MGAT1: variants seen among roughly 807,000 people sequenced by gnomAD.
MGAT1 encodes the protein alpha-1,3-mannosyl-glycoprotein 2-beta-N-acetylglucosaminyltransferase.
A neutral mutation model predicts 31.7 loss-of-function variants in MGAT1; 14 were observed. The ratio of observed to expected loss-of-function variants is 0.44; its 90% CI spans 0.29 to 0.69. The LOEUF (loss-of-function observed/expected upper bound fraction) is 0.69, where lower values mean the gene tolerates loss of function less well. Ranked by LOEUF, MGAT1 falls within the 30% of genes least tolerant of loss-of-function variation. The probability of loss-of-function intolerance (pLI) is 0.12; values close to 1 mark genes in which losing one functional copy is unlikely to be tolerated. For missense variants in MGAT1, 557 were observed against 626.0 expected (o/e 0.89, Z 1.18); for synonymous variants, 338 against 276.0 (o/e 1.22, Z -2.23).
intron 2 of MGAT1, among the ~76,000 whole-genome samples, chr5:180,807,891 G>A (rs1424018534): frequency 6.6e-6 from 1 of 152,226 alleles, no homozygotes; most frequent in Non-Finnish European, 1.5e-5. Context: ...AGTTGTTTCT[G>A]TGCTTTTAAG....
At chr5:180,804,540 C>G (rs1771572914), upstream of MGAT1, among the ~76,000 whole-genome samples, 1 of 152,242 alleles carries the variant, frequency 6.6e-6, no homozygotes, top group Admixed American at 6.5e-5. Context: ...AGCCTCGAAC[C>G]CAGGCGGATA....
intron 1 of MGAT1, among the ~76,000 whole-genome samples, chr5:180,793,882 G>A (rs2113261813): frequency 6.6e-6 from 1 of 152,228 alleles, no homozygotes; most frequent in East Asian, 1.9e-4. Context: ...AAACTTATGT[G>A]AACAAAACTA....
chr5:180,800,707 C>T (rs1561855763), intron 1 of MGAT1, among the ~76,000 whole-genome samples: 1 of 152,190 alleles, frequency 6.6e-6, no homozygotes, highest in African/African-American at 2.4e-5. Flanking sequence ...TATTGACATG[C>T]AAGGGGAGAG....
At chr5:180,811,589 G>A (rs1460089282) in intron 1 of MGAT1, among the ~76,000 whole-genome samples, 2 of 149,948 alleles carry the variant, frequency 1.3e-5, no homozygotes, top group African/African-American at 2.4e-5. Context: ...TTCAATCTGT[G>A]TCTAGGATGC....
At position 180,789,186 on chromosome 5, in the gene MGAT1, C is replaced by T. The variant is rs531993067; in HGVS notation, c.*2448G>A. 3 of 152,406 alleles carry T rather than the reference C, an allele frequency of 2.0e-5. No individual in the cohort carries two copies. The East Asian group carries it at 5.8e-4, about 29-fold the overall frequency. 9.4% of individuals were successfully genotyped at this position (152,406 alleles called of 1,614,324 possible). A position where few individuals can be genotyped will look rare whatever the true frequency, so the allele number is the denominator to read the frequency against. Reference sequence around the variant, plus strand: ...TGGGAGGTTGGAGCTGCTCCCAAGGCCACGGCCCTCGACACAGCTCCCCAG... The same window carrying T: ...TGGGAGGTTGGAGCTGCTCCCAAGGTCACGGCCCTCGACACAGCTCCCCAG... On this transcript the variant is annotated 3_prime_UTR_variant, in exon 2 of 2. Transcript: ENST00000307826.
At position 180,791,684 on chromosome 5, in the gene MGAT1, G is replaced by A. The variant is rs767104108; in HGVS notation, c.1288C>T (p.His430Tyr). ...TCCCACGTCAGTGGGGGCGCCAGGTGGACACGGCGGCCCCGGAACTGGAAG... is the reference window on the plus strand; with the variant it reads ...TCCCACGTCAGTGGGGGCGCCAGGTAGACACGGCGGCCCCGGAACTGGAAG... ...VTFQFRGRRVHLAPPLTWEGY... is the reference protein window; with the variant it reads ...VTFQFRGRRVYLAPPLTWEGY... The change falls in exon 2 of 2, where the codon CAC becomes TAC. Residue 430 changes from histidine to tyrosine, a missense_variant. Transcript: ENST00000307826. 1 of 1,613,850 alleles carries A rather than the reference G, an allele frequency of 6.2e-7. No individual in the cohort carries two copies. Among genetic ancestry groups the A allele is most frequent in the African/African-American group, 1.3e-5 (1 of 75,044 alleles).
At chr5:180,804,490 C>G (rs1185192463), upstream of MGAT1, among the ~76,000 whole-genome samples, 1 of 152,180 alleles carries the variant, frequency 6.6e-6, no homozygotes, top group Non-Finnish European at 1.5e-5. Context: ...GCGGGAAGCC[C>G]GTGGCTTCCA....
intron 1 of MGAT1, among the ~76,000 whole-genome samples, chr5:180,794,975 C>T (rs1159602113): frequency 6.6e-6 from 1 of 152,154 alleles, no homozygotes; most frequent in Non-Finnish European, 1.5e-5. Context: ...GTGGTTTACT[C>T]ATAGAATGGA....
chr5:180,814,288 CCCATAAAGAAACAA>C (rs1178339578), intron 1 of MGAT1, among the ~76,000 whole-genome samples: 1 of 152,184 alleles, frequency 6.6e-6, no homozygotes, highest in Non-Finnish European at 1.5e-5. Flanking sequence ...AAAATTCTGG[CCCATAAAGAAACAA>C]CCACACTCAC....
chr5:180,792,420 C>A lies in MGAT1; in HGVS notation c.552G>T (p.Lys184Asn). 1 of 1,611,320 alleles carries A rather than the reference C, an allele frequency of 6.2e-7. No homozygotes were observed. Among genetic ancestry groups the A allele is most frequent in the Non-Finnish European group, 8.5e-7 (1 of 1,178,484 alleles). ...PDHRKFQGYY[K>N]IARHYRWALG... ...GCGCCCAGCGGTAGTGGCGCGCGATCTTGTAGTAGCCCTGGAACTTGCGGT... is the reference window on the plus strand; with the variant it reads ...GCGCCCAGCGGTAGTGGCGCGCGATATTGTAGTAGCCCTGGAACTTGCGGT... The change falls in exon 2 of 2, where the codon AAG becomes AAT. Residue 184 changes from lysine to asparagine, a missense_variant. By Grantham distance (94) the Lys-to-Asn change is moderately conservative. Around this residue, in one of 3 missense-constraint regions of MGAT1, gnomAD observed 245 missense variants for 332.9 expected, o/e 0.74. Transcript: ENST00000307826.
At chr5:180,804,918 C>A (rs1406292908), upstream of MGAT1, among the ~76,000 whole-genome samples, 1 of 152,192 alleles carries the variant, frequency 6.6e-6, no homozygotes, top group Non-Finnish European at 1.5e-5. Flanking sequence ...CCAAGGCTCA[C>A]AGGAAGATCC....
In MGAT1 at chr5:180,792,179, G is replaced by C; in HGVS notation, c.793C>G (p.Pro265Ala). 6.2e-7 allele frequency: 1 copy of C among 1,613,166 alleles called. No homozygotes were observed. Among genetic ancestry groups the C allele is most frequent in the Non-Finnish European group, 8.5e-7 (1 of 1,179,994 alleles). ...GCCAACAGCAGCCAGCCCAGGCCAG[G>C]GAAAAAGTCGGTGCGGTAGAGCAGC... Reference protein sequence around the residue: ...PELLYRTDFFPGLGWLLLAEL... With the variant: ...PELLYRTDFFAGLGWLLLAEL... Residue 265 changes from proline to alanine, a missense_variant, in exon 2 of 2, where the codon CCT becomes GCT. This residue lies in a region of MGAT1 where 245 missense variants were observed against 332.9 expected (regional missense o/e 0.74). Coordinates refer to ENST00000307826, the MANE Select transcript of MGAT1 (RefSeq NM_002406.4).
chr5:180,802,935 G>T (rs1160643235), upstream of MGAT1: 2 of 150,514 alleles, frequency 1.3e-5, no homozygotes, highest in Non-Finnish European at 3.0e-5. Context: ...CGTCCGCCAG[G>T]CCCCCTCCTC....
upstream of MGAT1, among the ~76,000 whole-genome samples, chr5:180,806,144 G>A (rs565549376): frequency 1.3e-5 from 2 of 151,828 alleles, no homozygotes; most frequent in Admixed American, 1.3e-4. Flanking sequence ...AAATTAGCCG[G>A]GCGTGGTGGC....
rs1224268939 is a variant in MGAT1 at position 180,793,183 on chromosome 5, G to T, written c.-126-86C>A. 4 of 625,350 alleles carry T rather than the reference G, an allele frequency of 6.4e-6. No homozygotes were observed. In the East Asian group the frequency reaches 1.1e-4, roughly 18 times the overall value. The allele number at this position is 625,350 out of a possible 1,614,324, so 38.7% of individuals were successfully genotyped here. A position where few individuals can be genotyped will look rare whatever the true frequency, so the allele number is the denominator to read the frequency against. ...GGTAGAGGAAATGGGGGCAGGAAAA[G>T]GCCAAGAGTGAGGGTGGAGGAAGGC... On this transcript the variant is annotated intron_variant, in intron 1 of 1. Transcript: ENST00000307826.
In MGAT1 at chr5:180,791,082, T is replaced by G; in HGVS notation, c.*552A>C. 1 of 153,674 alleles carries G rather than the reference T, an allele frequency of 6.5e-6. No homozygotes were observed. The highest frequency in any genetic ancestry group is 1.4e-5 in the Non-Finnish European group (1 of 69,436). 9.5% of individuals were successfully genotyped at this position (153,674 alleles called of 1,614,324 possible). Reference sequence around the variant, plus strand: ...CAAGGAGAGAAGGGCTAAGTGGGGGTCAGACAGGAGAGAAGGGCAGGAGGC... The same window carrying G: ...CAAGGAGAGAAGGGCTAAGTGGGGGGCAGACAGGAGAGAAGGGCAGGAGGC... On this transcript the variant is annotated 3_prime_UTR_variant, in exon 2 of 2. Coordinates refer to ENST00000307826, the MANE Select transcript of MGAT1 (RefSeq NM_002406.4).
chr5:180,798,199 G>C (rs935331027), intron 1 of MGAT1, among the ~76,000 whole-genome samples: 31 of 152,198 alleles, frequency 2.0e-4, no homozygotes, highest in African/African-American at 5.8e-4. Context: ...GTTTAGAACA[G>C]TGCCGGCATG....
intron 1 of MGAT1, among the ~76,000 whole-genome samples, chr5:180,797,335 G>T (rs1769612482): frequency 6.6e-6 from 1 of 150,960 alleles, no homozygotes; most frequent in African/African-American, 2.4e-5. Flanking sequence ...CTGGGAGGCG[G>T]AGGTTGCAGT....
chr5:180,798,432 C>G (rs911610968), intron 1 of MGAT1, among the ~76,000 whole-genome samples: 2 of 152,164 alleles, frequency 1.3e-5, no homozygotes, highest in Non-Finnish European at 2.9e-5. Context: ...TAAGGTCCAC[C>G]TACCCTTCAC....
Sources: allele counts gnomAD v4.1 joint callset (sites outside exome capture counted in the v4.1 genomes callset), GRCh38; gene constraint gnomAD v4.1.1; regional missense constraint gnomAD v4.1.1; transcripts MANE v1.5; gene names NCBI Gene and HGNC (gene_info 2026-07-23, HGNC 2026-07-21).